Variants in PDE4D observed in about 807,000 individuals in gnomAD.
PDE4D encodes the protein phosphodiesterase 4D.
Under a neutral mutation model 87.4 loss-of-function variants are expected in PDE4D, and 24 were observed. That is an observed-to-expected ratio of 0.27 (90% CI 0.20 to 0.39). The LOEUF is 0.39. Ranked by LOEUF, PDE4D falls within the 10% of genes least tolerant of loss-of-function variation. The probability of loss-of-function intolerance (pLI) is 1.00; values close to 1 mark genes in which losing one functional copy is unlikely to be tolerated. For missense variants in PDE4D, 714 were observed against 1,041.0 expected, an observed-to-expected ratio of 0.69 and a Z score of 4.32; for synonymous variants, 384 against 383.2, an observed-to-expected ratio of 1.00 and a Z score of -0.02.
chr5:60,406,203 A>T (rs757840557), intron 1 of PDE4D, among the ~76,000 whole-genome samples: 8 of 152,200 alleles, frequency 5.3e-5, no homozygotes, highest in Non-Finnish European at 1.5e-5. Flanking sequence ...CCCATTCCTG[A>T]TGCCTGTCAG....
At chr5:60,480,310 TAAG>T (rs561162625) in intron 1 of PDE4D, among the ~76,000 whole-genome samples, 2 of 152,074 alleles carry the variant, frequency 1.3e-5, no homozygotes, top group Admixed American at 1.3e-4. Context: ...CAAATAATAA[TAAG>T]ATGACAAACA....
At chr5:59,041,221 T>G (rs1268656963) in intron 5 of PDE4D, among the ~76,000 whole-genome samples, 1 of 152,178 alleles carries the variant, frequency 6.6e-6, no homozygotes, top group Non-Finnish European at 1.5e-5. Context: ...TCTGTATAGC[T>G]TCCCCAATTC....
intron 1 of PDE4D, among the ~76,000 whole-genome samples, chr5:60,236,092 C>A (rs1487127902): frequency 4.0e-5 from 6 of 151,860 alleles, no homozygotes; most frequent in South Asian, 2.1e-4. Context: ...ACTATTTATA[C>A]AAAAATTACT....
At chr5:59,052,015 T>C (rs1177371535) in intron 5 of PDE4D, among the ~76,000 whole-genome samples, 4 of 152,172 alleles carry the variant, frequency 2.6e-5, no homozygotes, top group African/African-American at 9.7e-5. Flanking sequence ...TGAGCCTCTC[T>C]GATGTGATAG....
intron 1 of PDE4D, among the ~76,000 whole-genome samples, chr5:59,462,237 T>C (rs570838106): frequency 5.9e-5 from 9 of 151,642 alleles, no homozygotes; most frequent in Non-Finnish European, 1.2e-4. Flanking sequence ...ATTATTTTAG[T>C]CTTCATTATC....
chr5:59,551,027 A>G (rs1480924253), intron 1 of PDE4D, among the ~76,000 whole-genome samples: 1 of 152,110 alleles, frequency 6.6e-6, no homozygotes, highest in East Asian at 1.9e-4. Flanking sequence ...CATTAAAGTC[A>G]ATGTCTCTTT....
At chr5:59,946,282 G>C (rs935323127) in intron 3 of PDE4D, among the ~76,000 whole-genome samples, 1 of 152,114 alleles carries the variant, frequency 6.6e-6, no homozygotes, top group African/African-American at 2.4e-5. Context: ...GCAAAGTGGT[G>C]GGCAAGCAAC....
intron 1 of PDE4D, among the ~76,000 whole-genome samples, chr5:60,363,449 C>G (rs567754846): frequency 6.6e-6 from 1 of 152,262 alleles, no homozygotes; most frequent in East Asian, 1.9e-4. Flanking sequence ...TGAATGTGGG[C>G]AAATTGTAAT....
chr5:60,250,058 T>C (rs933897786), intron 1 of PDE4D, among the ~76,000 whole-genome samples: 7 of 152,018 alleles, frequency 4.6e-5, no homozygotes, highest in African/African-American at 2.4e-5. Flanking sequence ...ACATACACTG[T>C]AACCCCAGTA....
At chr5:60,171,121 A>C (rs1411458716) in intron 2 of PDE4D, among the ~76,000 whole-genome samples, 2 of 152,080 alleles carry the variant, frequency 1.3e-5, no homozygotes, top group African/African-American at 4.8e-5. Context: ...GAATGACTAC[A>C]TTGTCATTTG....
chr5:58,975,629 T>C lies in PDE4D; in HGVS notation c.2013+28A>G, dbSNP rs1743523205. Reference sequence around the variant, plus strand: ...ATGCTAAAGCGGTAGCTCTGTTCTCTCTGAAAGCTATACACTTCATGCATT... The same window carrying C: ...ATGCTAAAGCGGTAGCTCTGTTCTCCCTGAAAGCTATACACTTCATGCATT... On this transcript the variant is annotated intron_variant, in intron 14 of 14. Transcript: ENST00000340635. This position sits in a 1 kb window ranked among gnomAD's most constrained non-coding sequence, Gnocchi z 4.2. 1 of 1,493,890 alleles carries C rather than the reference T, an allele frequency of 6.7e-7. No individual in the cohort carries two copies. The highest frequency in any genetic ancestry group is 2.0e-5 in the Admixed American group (1 of 48,968). The allele number at this position is 1,493,890 out of a possible 1,614,324, so 92.5% of individuals were successfully genotyped here.
At chr5:60,442,558 A>T (rs1034708166) in intron 1 of PDE4D, among the ~76,000 whole-genome samples, 4 of 152,120 alleles carry the variant, frequency 2.6e-5, no homozygotes, top group Admixed American at 2.6e-4. Context: ...CGTTCTGCAC[A>T]TGTATCCCAG....
At chr5:59,524,043 G>A (rs901447160) in intron 1 of PDE4D, among the ~76,000 whole-genome samples, 1 of 152,178 alleles carries the variant, frequency 6.6e-6, no homozygotes, top group Non-Finnish European at 1.5e-5. Flanking sequence ...GTTCTTTATA[G>A]CAGTGTGAGA....
intron 5 of PDE4D, among the ~76,000 whole-genome samples, chr5:59,168,318 C>T (rs908464046): frequency 6.6e-6 from 1 of 152,152 alleles, no homozygotes; most frequent in African/African-American, 2.4e-5. Context: ...GTCCCAGAAG[C>T]AAGGTGAGTG....
chr5:59,017,476 A>G (rs1382410915), intron 6 of PDE4D, among the ~76,000 whole-genome samples: 1 of 152,132 alleles, frequency 6.6e-6, no homozygotes, highest in Non-Finnish European at 1.5e-5. Context: ...ATGAGACAAG[A>G]CCAGAACATG....
chr5:60,456,453 T>C (rs956815882), intron 1 of PDE4D, among the ~76,000 whole-genome samples: 3 of 152,238 alleles, frequency 2.0e-5, no homozygotes, highest in African/African-American at 7.2e-5. Context: ...CCAGACTGAA[T>C]AGTATTTGGT....
intron 5 of PDE4D, among the ~76,000 whole-genome samples, chr5:59,091,426 T>C (rs989483116): frequency 6.6e-6 from 1 of 152,122 alleles, no homozygotes; most frequent in African/African-American, 2.4e-5. Context: ...GGTTCCTTTA[T>C]ACAACAGAAT....
intron 5 of PDE4D, among the ~76,000 whole-genome samples, chr5:59,177,141 T>C (rs1784032545): frequency 6.6e-6 from 1 of 152,112 alleles, no homozygotes; most frequent in Non-Finnish European, 1.5e-5. Flanking sequence ...GCCGGGCCTG[T>C]GGGAGGTGAT....
chr5:60,164,562 T>C (rs1782727873), intron 2 of PDE4D, among the ~76,000 whole-genome samples: 1 of 152,148 alleles, frequency 6.6e-6, no homozygotes, highest in Non-Finnish European at 1.5e-5. Context: ...CGGCTGAATA[T>C]CTGTGTCACT....
Sources: allele counts gnomAD v4.1 joint callset (sites outside exome capture counted in the v4.1 genomes callset), GRCh38; gene constraint gnomAD v4.1.1; non-coding constraint Gnocchi (gnomAD v3.1); transcripts MANE v1.5; gene names NCBI Gene and HGNC (gene_info 2026-07-23, HGNC 2026-07-21).